CTNNA3: variants seen among roughly 807,000 people sequenced by gnomAD.
CTNNA3 encodes the protein catenin alpha 3, also known as catenin alpha-3.
In CTNNA3, 76 loss-of-function variants were observed where a neutral mutation model predicts 95.7. That is an observed-to-expected ratio of 0.79 (90% CI 0.66 to 0.96). CTNNA3 has a LOEUF of 0.96. CTNNA3 is among the 40% of genes least tolerant of loss of function. The pLI is 0.00. For missense variants in CTNNA3, 1,191 were observed against 1,089.8 expected, an observed-to-expected ratio of 1.09 and a Z score of -1.31; for synonymous variants, 431 against 374.4, an observed-to-expected ratio of 1.15 and a Z score of -1.74.
rs1256761184 is a variant in CTNNA3 at position 67,281,496 on chromosome 10, G to GA, written c.580-61627dup. On this transcript the variant is annotated intron_variant, in intron 5 of 17. Coordinates refer to ENST00000433211, the MANE Select transcript of CTNNA3 (RefSeq NM_013266.4). ...GCTTAAAAGGAGCCCAATAAGTCAG[G>GA]AAAAAAATGCACAGCACTGCTTCTC... Among the ~76,000 whole-genome samples the GA allele has an allele frequency of 5.3e-5, 8 of 151,984 alleles. No individual in the cohort carries two copies. In the South Asian group the frequency reaches 8.3e-4, roughly 16 times the overall value.
At chr10:67,645,028 C>T (rs561919437) in intron 2 of CTNNA3, among the ~76,000 whole-genome samples, 1 of 152,252 alleles carries the variant, frequency 6.6e-6, no homozygotes. Flanking sequence ...ATCAAAAGCC[C>T]TCTAAAACTA....
intron 10 of CTNNA3, among the ~76,000 whole-genome samples, chr10:66,527,639 A>C (rs1218812110): frequency 1.7e-4 from 26 of 152,170 alleles, no homozygotes; most frequent in Admixed American, 1.7e-3. Flanking sequence ...ACATTCAGGT[A>C]AAAGTCTTTC....
rs370220742 is a variant in CTNNA3 at position 67,594,719 on chromosome 10, T to C, written c.292+12138A>G. Reference sequence around the variant, plus strand: ...AAAAACAAACTTTAGGTTTCATTGATTTTTTATTTTTTAAAAAAATTATTT... The same window carrying C: ...AAAAACAAACTTTAGGTTTCATTGACTTTTTATTTTTTAAAAAAATTATTT... On this transcript the variant is annotated intron_variant, in intron 3 of 17. Coordinates refer to ENST00000433211, the MANE Select transcript of CTNNA3 (RefSeq NM_013266.4). Among the ~76,000 whole-genome samples, 127 of 152,308 alleles carry C rather than the reference T, an allele frequency of 8.3e-4. 1 individual carries two copies. The highest frequency in any genetic ancestry group is 6.8e-3 in the Middle Eastern group (2 of 294).
At chr10:67,726,435 A>G (rs1160055262) in intron 1 of CTNNA3, among the ~76,000 whole-genome samples, 1 of 74,982 alleles carries the variant, frequency 1.3e-5, no homozygotes, top group Non-Finnish European at 2.2e-5. Flanking sequence ...ATTATATCAT[A>G]TATAATATAT....
chr10:67,682,815 A>C (rs945157854), intron 1 of CTNNA3, among the ~76,000 whole-genome samples: 4 of 152,220 alleles, frequency 2.6e-5, no homozygotes, highest in Non-Finnish European at 5.9e-5. Context: ...ACAAACAACA[A>C]ATACTGAAAA....
At chr10:66,330,065 C>T (rs1261829077) in intron 12 of CTNNA3, among the ~76,000 whole-genome samples, 1 of 151,796 alleles carries the variant, frequency 6.6e-6, no homozygotes, top group Non-Finnish European at 1.5e-5. Flanking sequence ...GAAGTAAGCA[C>T]ATATTTCTTT....
chr10:67,500,062 G>A (rs1839179461), intron 5 of CTNNA3, among the ~76,000 whole-genome samples: 2 of 143,328 alleles, frequency 1.4e-5, no homozygotes, highest in South Asian at 5.4e-4. Context: ...TTCTCCTGTG[G>A]GCATTTAGTG....
rs71006151 is a variant in CTNNA3, at chr10:67,564,677, G to GTATATATATATATA, written c.293-25022_293-25009dup. ...TATATGCATATATGTGTGTGTGTGT[G>GTATATATATATATA]TATATATATATATATATATATATAT... On this transcript the variant is annotated intron_variant, in intron 3 of 17. Coordinates refer to ENST00000433211, the MANE Select transcript of CTNNA3 (RefSeq NM_013266.4). 4.9e-4 allele frequency among the ~76,000 whole-genome samples: 30 copies of GTATATATATATATA among 61,312 alleles called. 1 individual carries two copies. Among genetic ancestry groups the GTATATATATATATA allele is most frequent in the Admixed American group, 6.5e-4 (3 of 4,644 alleles). 40.2% of individuals were successfully genotyped at this position (61,312 alleles called of 152,430 possible).
intron 3 of CTNNA3, among the ~76,000 whole-genome samples, chr10:67,559,858 G>A (rs142702623): frequency 0.16 from 24,394 of 152,030 alleles, 3,107 homozygotes; most frequent in East Asian, 0.67. Context: ...CTCAGGAGCC[G>A]ATGCGATCAA....
chr10:66,810,756 C>A (rs1459973202), intron 7 of CTNNA3, among the ~76,000 whole-genome samples: 1 of 152,130 alleles, frequency 6.6e-6, no homozygotes, highest in Non-Finnish European at 1.5e-5. Context: ...CTTCAATGCC[C>A]CTCTGTCATT....
At chr10:67,676,648 C>G (rs1215750007) in intron 1 of CTNNA3, among the ~76,000 whole-genome samples, 1 of 152,142 alleles carries the variant, frequency 6.6e-6, no homozygotes, top group Non-Finnish European at 1.5e-5. Flanking sequence ...TGCTGGTGCT[C>G]TGTTCCTGGT....
At chr10:66,560,563 C>T (rs1842522644) in intron 10 of CTNNA3, among the ~76,000 whole-genome samples, 1 of 152,016 alleles carries the variant, frequency 6.6e-6, no homozygotes, top group African/African-American at 2.4e-5. Context: ...GTACTTTTAT[C>T]ATTTGGGAAT....
intron 7 of CTNNA3, among the ~76,000 whole-genome samples, chr10:67,138,033 C>T (rs932137446): frequency 5.9e-5 from 9 of 152,054 alleles, no homozygotes; most frequent in East Asian, 3.9e-4. Flanking sequence ...TGGACATTTG[C>T]TTACAAAATA....
intron 11 of CTNNA3, among the ~76,000 whole-genome samples, chr10:66,489,417 C>T (rs920340060): frequency 5.3e-5 from 8 of 151,870 alleles, no homozygotes; most frequent in African/African-American, 1.9e-4. Context: ...AAATAGATAT[C>T]ATGGAAGAAG....
At chr10:67,159,510 A>G (rs2132084853) in intron 7 of CTNNA3, among the ~76,000 whole-genome samples, 1 of 152,330 alleles carries the variant, frequency 6.6e-6, no homozygotes, top group South Asian at 2.1e-4. Flanking sequence ...GAGCCCAGAA[A>G]TGAAACCACA....
chr10:67,312,247 C>G (rs902045204), intron 5 of CTNNA3, among the ~76,000 whole-genome samples: 1 of 151,940 alleles, frequency 6.6e-6, no homozygotes, highest in African/African-American at 2.4e-5. Context: ...TAATTTTTGA[C>G]TTTTTGGTAG....
intron 5 of CTNNA3, among the ~76,000 whole-genome samples, chr10:67,361,537 A>G (rs11497956): frequency 0.057 from 8,693 of 152,250 alleles, 316 homozygotes; most frequent in African/African-American, 0.1. Flanking sequence ...GGTAAACAGC[A>G]AAATCAAGGC....
intron 13 of CTNNA3, among the ~76,000 whole-genome samples, chr10:66,240,691 T>C (rs12414240): frequency 0.22 from 33,091 of 151,930 alleles, 3,681 homozygotes; most frequent in Admixed American, 0.27. Context: ...ACTGAAAATG[T>C]TGCTTAAAAA....
chr10:67,154,292 C>CT lies in CTNNA3; in HGVS notation c.1047+26024dup, dbSNP rs201096353. Among the ~76,000 whole-genome samples the CT allele has an allele frequency of 6.3e-3, 949 of 151,806 alleles. 6 individuals are homozygous for CT. Among genetic ancestry groups the CT allele is most frequent in the African/African-American group, 0.019 (787 of 41,418 alleles). On this transcript the variant is annotated intron_variant, in intron 7 of 17. Transcript: ENST00000433211. ...CATCTTAAAATATATCGTTAATGGG[C>CT]TTTTTTTTAAGTCATACCAAAGGTG...
Sources: gnomAD v4.1 joint callset for allele counts (sites outside exome capture counted in the v4.1 genomes callset) on GRCh38, gnomAD v4.1.1 for gene constraint, MANE v1.5 for transcripts, NCBI Gene and HGNC (gene_info 2026-07-23, HGNC 2026-07-21) for gene names.